The following RPS6KC1 variants were observed in gnomAD, a reference collection of about 807,000 sequenced individuals.
RPS6KC1 encodes the protein ribosomal protein S6 kinase C1.
In RPS6KC1, 54 loss-of-function variants were observed where a neutral mutation model predicts 103.8. The ratio of observed to expected loss-of-function variants is 0.52; its 90% CI spans 0.42 to 0.65. The LOEUF is 0.65. RPS6KC1 is among the 30% of genes least tolerant of loss of function. The pLI, the probability that RPS6KC1 is intolerant of heterozygous loss-of-function variation, is 0.00. For missense variants in RPS6KC1, 1,151 were observed against 1,253.8 expected (o/e 0.92, Z 1.24); for synonymous variants, 439 against 438.7 (o/e 1.00, Z -0.01).
At chr1:213,204,540 T>C (rs2093276929) in intron 8 of RPS6KC1, among the ~76,000 whole-genome samples, 1 of 152,060 alleles carries the variant, frequency 6.6e-6, no homozygotes, top group Non-Finnish European at 1.5e-5. Flanking sequence ...CTCTCACTTA[T>C]AGCAGCCTAA....
chr1:213,091,281 C>T (rs1439298667), intron 3 of RPS6KC1, among the ~76,000 whole-genome samples: 3 of 151,976 alleles, frequency 2.0e-5, no homozygotes, highest in South Asian at 2.1e-4. Context: ...AGGATGATCT[C>T]GATCTCCTGA....
chr1:213,122,866 C>G (rs1046873734), intron 5 of RPS6KC1, among the ~76,000 whole-genome samples: 10 of 151,944 alleles, frequency 6.6e-5, no homozygotes, highest in African/African-American at 2.4e-4. Flanking sequence ...CATTTTTTCC[C>G]CCCAAGATAG....
the RPS6KC1 span, among the ~76,000 whole-genome samples, chr1:213,471,025 G>A: frequency 1.3e-5 from 2 of 152,096 alleles, no homozygotes; most frequent in Admixed American, 1.3e-4. Flanking sequence ...AACAGTTTTC[G>A]GAATGAGTTG....
At chr1:213,417,893 C>T in the RPS6KC1 span, among the ~76,000 whole-genome samples, 1 of 152,156 alleles carries the variant, frequency 6.6e-6, no homozygotes, top group Non-Finnish European at 1.5e-5. Context: ...TTCCATGAGG[C>T]AGGTGATACC....
chr1:213,593,292 A>T, the RPS6KC1 span, among the ~76,000 whole-genome samples: 2 of 151,794 alleles, frequency 1.3e-5, no homozygotes, highest in Non-Finnish European at 2.9e-5. Context: ...GAGATAGATG[A>T]TCTGATTTGT....
At chr1:213,435,503 G>A in the RPS6KC1 span, among the ~76,000 whole-genome samples, 3 of 152,188 alleles carry the variant, frequency 2.0e-5, no homozygotes, top group Admixed American at 6.5e-5. Context: ...AAGTAGACAA[G>A]TTATTTGAAA....
the RPS6KC1 span, among the ~76,000 whole-genome samples, chr1:213,567,723 A>G: frequency 6.6e-6 from 1 of 152,220 alleles, no homozygotes; most frequent in African/African-American, 2.4e-5. Flanking sequence ...ATTGCAGGAA[A>G]TACACGTGTA....
the RPS6KC1 span, among the ~76,000 whole-genome samples, chr1:213,381,890 A>G: frequency 2.0e-5 from 3 of 152,196 alleles, no homozygotes; most frequent in African/African-American, 7.2e-5. Context: ...GCTGAGCTGC[A>G]TGGAGAGACA....
At chr1:213,573,582 C>T in the RPS6KC1 span, among the ~76,000 whole-genome samples, 6 of 152,206 alleles carry the variant, frequency 3.9e-5, no homozygotes, top group Non-Finnish European at 5.9e-5. Context: ...TGTAGTGTCA[C>T]TCTTTGCAAT....
chr1:213,503,183 T>C, the RPS6KC1 span, among the ~76,000 whole-genome samples: 1 of 152,172 alleles, frequency 6.6e-6, no homozygotes, highest in African/African-American at 2.4e-5. Flanking sequence ...TGGTTTGCCA[T>C]GCATGGTCCT....
At chr1:213,780,910 C>A in the RPS6KC1 span, among the ~76,000 whole-genome samples, 5 of 152,158 alleles carry the variant, frequency 3.3e-5, no homozygotes, top group African/African-American at 1.2e-4. Flanking sequence ...GTTTTCCCAG[C>A]TACTCCAGAG....
At chr1:213,808,879 G>A in the RPS6KC1 span, among the ~76,000 whole-genome samples, 9 of 152,354 alleles carry the variant, frequency 5.9e-5, no homozygotes, top group South Asian at 4.1e-4. Flanking sequence ...CATCGCTCAC[G>A]CTGGGAGCTA....
the RPS6KC1 span, among the ~76,000 whole-genome samples, chr1:213,554,129 G>GT: frequency 1.1e-4 from 16 of 152,130 alleles, no homozygotes; most frequent in African/African-American, 3.9e-4. Context: ...TATTTCTTAG[G>GT]TTTTCTTCTA....
the RPS6KC1 span, among the ~76,000 whole-genome samples, chr1:213,648,330 A>C: frequency 3.3e-5 from 5 of 152,148 alleles, no homozygotes; most frequent in Non-Finnish European, 7.4e-5. Flanking sequence ...AGCCGTGTGC[A>C]TCTCCCTGTT....
At chr1:213,789,531 A>G in the RPS6KC1 span, among the ~76,000 whole-genome samples, 3 of 152,180 alleles carry the variant, frequency 2.0e-5, no homozygotes, top group Non-Finnish European at 4.4e-5. Context: ...CTACGTCACC[A>G]TGTGAGCACA....
the RPS6KC1 span, among the ~76,000 whole-genome samples, chr1:213,785,967 G>A: frequency 1.3e-5 from 2 of 152,174 alleles, no homozygotes; most frequent in Admixed American, 6.5e-5. Flanking sequence ...TTATAGAATA[G>A]GTAAAGGAAG....
At chr1:213,124,930 C>T (rs1223839023) in intron 5 of RPS6KC1, among the ~76,000 whole-genome samples, 1 of 152,126 alleles carries the variant, frequency 6.6e-6, no homozygotes, top group African/African-American at 2.4e-5. Flanking sequence ...TTAAACAGAT[C>T]TGCCTTTGTA....
At chr1:213,166,860 C>G (rs1171027970) in intron 6 of RPS6KC1, among the ~76,000 whole-genome samples, 1 of 152,144 alleles carries the variant, frequency 6.6e-6, no homozygotes, top group African/African-American at 2.4e-5. Flanking sequence ...ATCAGGGATG[C>G]CAGTTACATT....
chr1:213,828,330 C>T, the RPS6KC1 span, among the ~76,000 whole-genome samples: 7 of 152,262 alleles, frequency 4.6e-5, no homozygotes, highest in Non-Finnish European at 7.4e-5. Flanking sequence ...TGACACCCAC[C>T]GCAGGGCATG....
Sources: allele counts gnomAD v4.1 joint callset (sites outside exome capture counted in the v4.1 genomes callset), GRCh38; gene constraint gnomAD v4.1.1; transcripts MANE v1.5; gene names NCBI Gene and HGNC (gene_info 2026-07-23, HGNC 2026-07-21).